The following VCAM1 variants were observed in gnomAD, a reference collection of about 807,000 sequenced individuals.
The protein encoded by VCAM1 is vascular cell adhesion molecule 1.
In VCAM1, 41 loss-of-function variants were observed where a neutral mutation model predicts 63.8. The observed-to-expected ratio is 0.64, with a 90% CI of 0.50 to 0.83. The LOEUF (loss-of-function observed/expected upper bound fraction) is 0.83, where lower values mean the gene tolerates loss of function less well. Among genes scored for constraint, VCAM1 ranks in the 40% least tolerant of loss-of-function variants. The pLI is 0.00. For synonymous variants in VCAM1, 338 were observed against 320.7 expected, an observed-to-expected ratio of 1.05 and a Z score of -0.58; for missense variants, 798 against 875.5, an observed-to-expected ratio of 0.91 and a Z score of 1.12.
At chr1:100,728,995 A>G in intron 4 of VCAM1, 112 bp from the exon 5 acceptor site, 1 of 1,255,382 alleles carries the variant, frequency 8.0e-7, no homozygotes, top group Non-Finnish European at 1.0e-6. Context: ...TCTTCTTGGC[A>G]TGGATATTAG....
At chr1:100,729,072 T>C in intron 4 of VCAM1, 35 bp from the exon 5 acceptor site, 2 of 1,482,606 alleles carry the variant, frequency 1.3e-6, no homozygotes, top group South Asian at 1.5e-5. Context: ...AAGAATCTTA[T>C]GTTCTTTTCA....
intron 5 of VCAM1, 107 bp downstream of exon 5, chr1:100,729,489 A>G (rs1378976794): frequency 4.4e-6 from 6 of 1,363,952 alleles, no homozygotes; most frequent in Non-Finnish European, 5.9e-6. Context: ...TAGAAAAGGA[A>G]TTTAGCCTTG....
At chr1:100,722,005 G>T (rs1571453252) in intron 2 of VCAM1, among the ~76,000 whole-genome samples, 1 of 152,144 alleles carries the variant, frequency 6.6e-6, no homozygotes, top group East Asian at 1.9e-4. Flanking sequence ...GACGCTTCTG[G>T]TTTTAATTAT....
At chr1:100,722,869 C>A in intron 2 of VCAM1, 151 bp from the exon 3 acceptor site, 2 of 869,504 alleles carry the variant, frequency 2.3e-6, no homozygotes, top group Admixed American at 3.0e-5. Flanking sequence ...TTGAACTCAC[C>A]CCAAATCATG....
At chr1:100,733,057 G>A (rs1157288676) in intron 7 of VCAM1, among the ~76,000 whole-genome samples, 4 of 152,190 alleles carry the variant, frequency 2.6e-5, no homozygotes, top group Non-Finnish European at 5.9e-5. Flanking sequence ...AACTCTGAGT[G>A]GCAATCTCAC....
chr1:100,729,476 G>A, intron 5 of VCAM1, 94 bp downstream of exon 5: 9 of 1,406,240 alleles, frequency 6.4e-6, no homozygotes, highest in Non-Finnish European at 8.5e-6. Context: ...AAATCCTTAT[G>A]TTTAGAAAAG....
chr1:100,738,420 C>A lies in VCAM1; in HGVS notation c.*137C>A. 1 of 992,032 alleles carries A rather than the reference C, an allele frequency of 1.0e-6. No individual in the cohort carries two copies. Among genetic ancestry groups the A allele is most frequent in the Non-Finnish European group, 1.4e-6 (1 of 691,762 alleles). 61.5% of individuals were successfully genotyped at this position (992,032 alleles called of 1,614,324 possible). ...ATTGAACTTGGAAAGAAATGCCCAT[C>A]TATGTCCCTTGCTGTGAGCAAGAAG... On this transcript the variant is annotated 3_prime_UTR_variant, in exon 9 of 9. Transcript: ENST00000294728.
Position 100,723,078 on chromosome 1 carries a change from C to G in VCAM1, c.399C>G (p.Ile133Met). 1.9e-6 allele frequency: 3 copies of G among 1,612,876 alleles called. No homozygotes were observed. Among genetic ancestry groups the G allele is most frequent in the South Asian group, 2.2e-5 (2 of 91,028 alleles). Residue 133 changes from isoleucine (I) to methionine (M), a missense_variant, in exon 3 of 9, where the codon ATC becomes ATG. By Grantham distance (10) the Ile-to-Met change is conservative. Coordinates refer to ENST00000294728, the MANE Select transcript of VCAM1 (RefSeq NM_001078.4). ...GCCCTCTGGAGGCTGGGAAGCCGAT[C>G]ACAGTCAAGTGTTCAGTTGCTGATG... is the stretch of plus-strand genomic sequence containing the variant. ...LSGPLEAGKP[I>M]TVKCSVADVY...
At position 100,723,277 on chromosome 1, in the gene VCAM1, C is replaced by A; in HGVS notation, c.598C>A (p.His200Asn). 6.2e-7 allele frequency: 1 copy of A among 1,613,112 alleles called. No homozygotes were observed. The highest frequency in any genetic ancestry group is 8.5e-7 in the Non-Finnish European group (1 of 1,179,350). The part of the protein sequence containing the change: ...GKVLVCRAKL[H>N]IDEMDSVPTV... ...AGTTCTTGTTTGCCGAGCTAAATTA[C>A]ACATTGATGAAATGGATTCTGTGCC... is the stretch of plus-strand genomic sequence containing the variant. The change falls in exon 3 of 9, where the codon CAC becomes AAC. Residue 200 changes from histidine to asparagine, a missense_variant. By Grantham distance (68) the His-to-Asn change is moderately conservative. Transcript: ENST00000294728.
At position 100,723,278 on chromosome 1, in the gene VCAM1, A is replaced by C. The variant is rs1282015800; in HGVS notation, c.599A>C (p.His200Pro). ...GKVLVCRAKL[H>P]IDEMDSVPTV... ...GTTCTTGTTTGCCGAGCTAAATTAC[A>C]CATTGATGAAATGGATTCTGTGCCC... The change falls in exon 3 of 9, where the codon CAC (histidine) becomes CCC (proline). Residue 200 changes from histidine (H) to proline (P), a missense_variant. His to Pro is a moderately conservative substitution (Grantham distance 77, BLOSUM62 -2). Coordinates refer to ENST00000294728, the MANE Select transcript of VCAM1 (RefSeq NM_001078.4). The C allele has an allele frequency of 1.9e-6, 3 of 1,613,006 alleles. No individual in the cohort carries two copies. Among genetic ancestry groups the C allele is most frequent in the African/African-American group, 1.3e-5 (1 of 74,852 alleles).
chr1:100,729,355 GA>G lies in VCAM1; in HGVS notation c.1181del (p.Lys394ArgfsTer18). ...CTVTCGHKKL[E>X]KGIQVELYSF... Reference sequence around the variant, plus strand: ...AGTGACTTGTGGACATAAGAAACTGGAAAAGGGAATCCAGGTGGAGCTCTAC... The same window carrying G: ...AGTGACTTGTGGACATAAGAAACTGGAAAGGGAATCCAGGTGGAGCTCTAC... On this transcript the variant is annotated frameshift_variant, in exon 5 of 9. Transcript: ENST00000294728. LOFTEE classifies it high-confidence loss of function. 6.2e-7 allele frequency: 1 copy of G among 1,607,346 alleles called. No homozygotes were observed. The highest frequency in any genetic ancestry group is 1.1e-5 in the South Asian group (1 of 89,976).
intron 2 of VCAM1, among the ~76,000 whole-genome samples, chr1:100,722,056 A>G (rs1659972028): frequency 6.6e-6 from 1 of 152,080 alleles, no homozygotes; most frequent in Admixed American, 6.6e-5. Flanking sequence ...GTTTCTCATT[A>G]TGTATAACAG....
chr1:100,723,651 C>G (rs1336663958), intron 3 of VCAM1, among the ~76,000 whole-genome samples: 1 of 151,978 alleles, frequency 6.6e-6, no homozygotes, highest in Non-Finnish European at 1.5e-5. Context: ...GAAATAGGCT[C>G]AAATGATAAA....
intron 8 of VCAM1, chr1:100,737,436 T>A (rs143418597): frequency 1.3e-5 from 2 of 152,112 alleles, no homozygotes. Flanking sequence ...TAATTTAGAA[T>A]GAGGGAGATA....
chr1:100,720,023 T>C (rs1035807581), intron 1 of VCAM1, 99 bp downstream of exon 1: 2 of 1,302,348 alleles, frequency 1.5e-6, no homozygotes, highest in South Asian at 2.7e-5. Context: ...GTAAAGACAC[T>C]AGGATTTTAA....
In VCAM1 at chr1:100,734,601, C is replaced by T; in HGVS notation, c.1892C>T (p.Thr631Ile). The T allele has an allele frequency of 6.2e-7, 1 of 1,613,834 alleles. No homozygotes were observed. ...ISCTCGNVPE[T>I]WIILKKKAET... ...TGTACATGTGGAAATGTTCCAGAAACATGGATAATCCTGAAGAAAAAAGCG... is the reference window on the plus strand; with the variant it reads ...TGTACATGTGGAAATGTTCCAGAAATATGGATAATCCTGAAGAAAAAAGCG... The change falls in exon 8 of 9, where the codon ACA (threonine) becomes ATA (isoleucine). Residue 631 changes from threonine to isoleucine, a missense_variant. By Grantham distance (89) the Thr-to-Ile change is moderately conservative. Coordinates refer to ENST00000294728, the MANE Select transcript of VCAM1 (RefSeq NM_001078.4).
chr1:100,733,351 A>G (rs1340326110), intron 7 of VCAM1, among the ~76,000 whole-genome samples: 1 of 152,150 alleles, frequency 6.6e-6, no homozygotes, highest in Non-Finnish European at 1.5e-5. Context: ...CCTTTTGGGT[A>G]TCAGGGTTCT....
chr1:100,732,918 T>C (rs1360709283), intron 7 of VCAM1, among the ~76,000 whole-genome samples: 1 of 152,180 alleles, frequency 6.6e-6, no homozygotes, highest in Non-Finnish European at 1.5e-5. Flanking sequence ...ATGCAAGCCT[T>C]CAGGACCTGT....
intron 3 of VCAM1, among the ~76,000 whole-genome samples, chr1:100,723,581 AATTTCTCT>A (rs1027290382): frequency 2.4e-4 from 37 of 152,060 alleles, no homozygotes; most frequent in African/African-American, 8.0e-4. Flanking sequence ...TGGGTTACTT[AATTTCTCT>A]ATTTCCCAGT....
Sources: gnomAD v4.1 joint callset for allele counts (sites outside exome capture counted in the v4.1 genomes callset) on GRCh38, gnomAD v4.1.1 for gene constraint, MANE v1.5 for transcripts, NCBI Gene and HGNC (gene_info 2026-07-23, HGNC 2026-07-21) for gene names.